The following SMIM30 variants were observed in gnomAD, a reference collection of about 807,000 sequenced individuals.
SMIM30 encodes the protein long intergenic non-protein coding RNA 998.
For missense variants in SMIM30, 43 were observed against 27.6 expected (o/e 1.56, Z -1.25); for synonymous variants, 19 against 11.5 (o/e 1.65, Z -1.31).
chr7:113,118,213 T>C, intron 1 of SMIM30, 52 bp from the exon 2 acceptor site: 1 of 430,232 alleles, frequency 2.3e-6, no homozygotes, highest in Admixed American at 2.7e-5. Flanking sequence ...ATTTAAAAAT[T>C]AATTATTATT....
At position 113,117,346 on chromosome 7, in the gene SMIM30, T is replaced by G; in HGVS notation, c.*53A>C. 1.4e-6 allele frequency: 1 copy of G among 700,264 alleles called. No homozygotes were observed. The highest frequency in any genetic ancestry group is 2.6e-6 in the Non-Finnish European group (1 of 382,942). The allele number at this position is 700,264 out of a possible 1,614,324, so 43.4% of individuals were successfully genotyped here. On this transcript the variant is annotated 3_prime_UTR_variant, in exon 3 of 3. Coordinates refer to ENST00000397764, the MANE Select transcript of SMIM30 (RefSeq NM_001352688.2). ...CACACACCAAATCTCAGGTTTAGCC[T>G]CTAAAGCGCAAAGGTTTTCAGGGTG...
intron 1 of SMIM30, 158 bp downstream of exon 1, chr7:113,118,370 G>C (rs1248177401): frequency 2.2e-6 from 1 of 453,362 alleles, no homozygotes. Flanking sequence ...ACAAGAAAAG[G>C]TAAAAAGAAA....
intron 2 of SMIM30, 58 bp from the exon 3 acceptor site, chr7:113,117,665 G>A: frequency 1.4e-6 from 1 of 695,410 alleles, no homozygotes; most frequent in Middle Eastern, 2.3e-4. Flanking sequence ...CTTTTCAAAT[G>A]ACAAAATGAA....
rs151259891 is a variant in SMIM30 at position 113,117,622 on chromosome 7, T to A, written c.-29-15A>T. ...GCTGAAGGTTCCTAGAAATTAAACA[T>A]GGAAACAAAAAGGAACCATTAAAAA... On this transcript the variant is annotated splice_polypyrimidine_tract_variant and intron_variant, in intron 2 of 2. Coordinates refer to ENST00000397764, the MANE Select transcript of SMIM30 (RefSeq NM_001352688.2). The A allele has an allele frequency of 1.8e-3, 1,295 of 700,558 alleles. 19 individuals carry two copies. In the African/African-American group the frequency reaches 0.021, roughly 11 times the overall value. The allele number at this position is 700,558 out of a possible 1,614,324, so 43.4% of individuals were successfully genotyped here.
chr7:113,117,609 T>C lies in SMIM30; in HGVS notation c.-29-2A>G, dbSNP rs1794704844. 1 of 702,384 alleles carries C rather than the reference T, an allele frequency of 1.4e-6. No homozygotes were observed. Among genetic ancestry groups the C allele is most frequent in the Non-Finnish European group, 2.6e-6 (1 of 384,560 alleles). 43.5% of individuals were successfully genotyped at this position (702,384 alleles called of 1,614,324 possible). On this transcript the variant is annotated splice_acceptor_variant, in intron 2 of 2. Coordinates refer to ENST00000397764, the MANE Select transcript of SMIM30 (RefSeq NM_001352688.2). LOFTEE classifies it low-confidence loss of function (5UTR_SPLICE). ...TGGAATCTTGAGGGCTGAAGGTTCC[T>C]AGAAATTAAACATGGAAACAAAAAG... is the stretch of plus-strand genomic sequence containing the variant.
intron 1 of SMIM30, 69 bp from the exon 2 acceptor site, chr7:113,118,230 A>T (rs1044540423): frequency 2.4e-6 from 1 of 424,178 alleles, no homozygotes; most frequent in African/African-American, 2.1e-5. Flanking sequence ...TATTACTATT[A>T]TTATTTTAAA....
Position 113,117,267 on chromosome 7 carries a change from A to G in SMIM30, c.*132T>C. On this transcript the variant is annotated 3_prime_UTR_variant, in exon 3 of 3. Coordinates refer to ENST00000397764, the MANE Select transcript of SMIM30 (RefSeq NM_001352688.2). The stretch of plus-strand genomic sequence containing the variant: ...ATAAATGTATGTTTGTTGCCATTTC[A>G]TGGAAACAATGAAAAATGTGAAACT... 1 of 599,532 alleles carries G rather than the reference A, an allele frequency of 1.7e-6. No individual in the cohort carries two copies. Among genetic ancestry groups the G allele is most frequent in the African/African-American group, 1.9e-5 (1 of 54,006 alleles). 37.1% of individuals were successfully genotyped at this position (599,532 alleles called of 1,614,324 possible).
chr7:113,117,486 G>A lies in SMIM30; in HGVS notation c.93C>T (p.Ile31=), dbSNP rs1794701037. The change falls in exon 3 of 3, where the codon ATC becomes ATT. Residue 31 remains isoleucine, a synonymous_variant. Coordinates refer to ENST00000397764, the MANE Select transcript of SMIM30 (RefSeq NM_001352688.2). ...VVEAVEAGDA[I]ALLLGVVLSI... is the part of the protein sequence containing the mutation. The stretch of plus-strand genomic sequence containing the variant: ...TGAGAACCACACCTAACAAAAGGGC[G>A]ATTGCATCACCGGCTTCTACTGCTT... 1.4e-6 allele frequency: 1 copy of A among 702,886 alleles called. No individual in the cohort carries two copies. The highest frequency in any genetic ancestry group is 1.5e-5 in the South Asian group (1 of 67,590). 43.5% of individuals were successfully genotyped at this position (702,886 alleles called of 1,614,324 possible). A position where few individuals can be genotyped will look rare whatever the true frequency, so the allele number is the denominator to read the frequency against.
chr7:113,117,703 C>G (rs1794706815), intron 2 of SMIM30, 96 bp from the exon 3 acceptor site: 1 of 667,434 alleles, frequency 1.5e-6, no homozygotes, highest in Non-Finnish European at 2.7e-6. Context: ...GCCAGCCAAT[C>G]TTTTGGATAC....
chr7:113,117,630 A>G (rs1794705355), intron 2 of SMIM30, 23 bp from the exon 3 acceptor site: 1 of 699,948 alleles, frequency 1.4e-6, no homozygotes, highest in African/African-American at 1.8e-5. Context: ...CATGGAAACA[A>G]AAAGGAACCA....
Position 113,117,546 on chromosome 7 carries a change from G to A in SMIM30, c.33C>T (p.Val11=), listed in dbSNP as rs201016385. The part of the protein sequence containing the change: MTSVSTQLSL[V]LMSLLLVLPV... ...GCAGCACCAAAAGCAGTGACATGAG[G>A]ACTAAGGACAACTGTGTTGAAACTG... is the stretch of plus-strand genomic sequence containing the variant. The change falls in exon 3 of 3, where the codon GTC becomes GTT. Residue 11 remains valine (V), a synonymous_variant. Transcript: ENST00000397764. 4 of 702,814 alleles carry A rather than the reference G, an allele frequency of 5.7e-6. No homozygotes were observed. The East Asian group carries it at 1.1e-4, about 19-fold the overall frequency. 43.5% of individuals were successfully genotyped at this position (702,814 alleles called of 1,614,324 possible). A position where few individuals can be genotyped will look rare whatever the true frequency, so the allele number is the denominator to read the frequency against.
At position 113,117,369 on chromosome 7, in the gene SMIM30, G is replaced by C. The variant is rs1310278459; in HGVS notation, c.*30C>G. The C allele has an allele frequency of 1.4e-6, 1 of 702,506 alleles. No homozygotes were observed. The highest frequency in any genetic ancestry group is 2.6e-6 in the Non-Finnish European group (1 of 384,624). 43.5% of individuals were successfully genotyped at this position (702,506 alleles called of 1,614,324 possible). ...CCTCTAAAGCGCAAAGGTTTTCAGG[G>C]TGAGGTTTGACTCAGTAGGCCTTTC... On this transcript the variant is annotated 3_prime_UTR_variant, in exon 3 of 3. Transcript: ENST00000397764.
In SMIM30 at chr7:113,117,429, T is replaced by C. The variant is rs774565855; in HGVS notation, c.150A>G (p.Val50=). 3.1e-4 allele frequency: 218 copies of C among 702,946 alleles called. No homozygotes were observed. The highest frequency in any genetic ancestry group is 3.1e-3 in the South Asian group (209 of 67,584). The allele number at this position is 702,946 out of a possible 1,614,324, so 43.5% of individuals were successfully genotyped here. A position where few individuals can be genotyped will look rare whatever the true frequency, so the allele number is the denominator to read the frequency against. ...SITGICACLG[V]YARKRNGQM ...TCTGTCCATTTCTTTTTCGTGCATATACCCCCAAGCAGGCACAAATGCCTG... is the reference window on the plus strand; with the variant it reads ...TCTGTCCATTTCTTTTTCGTGCATACACCCCCAAGCAGGCACAAATGCCTG... Residue 50 remains valine, a synonymous_variant, in exon 3 of 3, where the codon GTA becomes GTG. Coordinates refer to ENST00000397764, the MANE Select transcript of SMIM30 (RefSeq NM_001352688.2).
In SMIM30 at chr7:113,117,583, T is replaced by C; in HGVS notation, c.-5A>G. ...CTGTGTTGAAACTGAGGTCATGATG[T>C]TGGAATCTTGAGGGCTGAAGGTTCC... On this transcript the variant is annotated 5_prime_UTR_variant, in exon 3 of 3. Coordinates refer to ENST00000397764, the MANE Select transcript of SMIM30 (RefSeq NM_001352688.2). 1 of 702,980 alleles carries C rather than the reference T, an allele frequency of 1.4e-6. No homozygotes were observed. Among genetic ancestry groups the C allele is most frequent in the Non-Finnish European group, 2.6e-6 (1 of 384,962 alleles). The allele number at this position is 702,980 out of a possible 1,614,324, so 43.5% of individuals were successfully genotyped here.
intron 2 of SMIM30, 170 bp from the exon 3 acceptor site, chr7:113,117,777 A>T (rs1261371367): frequency 1.7e-6 from 1 of 581,640 alleles, no homozygotes; most frequent in African/African-American, 1.9e-5. Flanking sequence ...GACGTTAAAG[A>T]CAGTAATTTG....
Position 113,116,890 on chromosome 7 carries a change from A to T in SMIM30, c.*509T>A, listed in dbSNP as rs553422829. ...CGCATTTCAGTATTAGATACACTGA[A>T]TACATTTTTCTAAATGTTTTTTCCC... On this transcript the variant is annotated 3_prime_UTR_variant, in exon 3 of 3. Coordinates refer to ENST00000397764, the MANE Select transcript of SMIM30 (RefSeq NM_001352688.2). 6.5e-6 allele frequency: 1 copy of T among 154,616 alleles called. No homozygotes were observed. Among genetic ancestry groups the T allele is most frequent in the East Asian group, 1.9e-4 (1 of 5,246 alleles). 9.6% of individuals were successfully genotyped at this position (154,616 alleles called of 1,614,324 possible).
chr7:113,117,710 A>T (rs1794707010), intron 2 of SMIM30, 103 bp from the exon 3 acceptor site: 5 of 664,704 alleles, frequency 7.5e-6, no homozygotes, highest in Non-Finnish European at 1.4e-5. Flanking sequence ...AATCTTTTGG[A>T]TACTTTATGA....
chr7:113,118,510 G>A lies in SMIM30; in HGVS notation c.-124+18C>T, dbSNP rs1563005518. On this transcript the variant is annotated intron_variant, in intron 1 of 2. Transcript: ENST00000397764. ...TGGTGCAACCTAAGTATCCTTTGGA[G>A]ACGAGTTCGTACATTACCTTCTAGG... The A allele has an allele frequency of 2.2e-6, 1 of 456,132 alleles. No individual in the cohort carries two copies. The allele number at this position is 456,132 out of a possible 1,614,324, so 28.3% of individuals were successfully genotyped here.
At chr7:113,117,871 A>T in intron 2 of SMIM30, 197 bp downstream of exon 2, 1 of 423,802 alleles carries the variant, frequency 2.4e-6, no homozygotes, top group South Asian at 2.3e-5. Flanking sequence ...TCAACCAAAC[A>T]AAAATTGAAC....
Sources: allele counts gnomAD v4.1 joint callset, GRCh38; gene constraint gnomAD v4.1.1; transcripts MANE v1.5; gene names NCBI Gene and HGNC (gene_info 2026-07-23, HGNC 2026-07-21).